NRXN3: variants seen among roughly 807,000 people sequenced by gnomAD.
NRXN3 encodes neurexin 3.
NRXN3 carries 32 observed loss-of-function variants against 137.6 expected under a neutral mutation model. That is an observed-to-expected ratio of 0.23 (90% CI 0.18 to 0.31). NRXN3 has a LOEUF of 0.31. Among genes scored for constraint, NRXN3 ranks in the 10% least tolerant of loss-of-function variants. The pLI is 1.00. For missense variants in NRXN3, 1,574 were observed against 2,062.5 expected (o/e 0.76, Z 4.59); for synonymous variants, 798 against 784.5 (o/e 1.02, Z -0.29).
chr14:78,943,276 G>GA (rs986091717), intron 10 of NRXN3, among the ~76,000 whole-genome samples: 5 of 152,100 alleles, frequency 3.3e-5, no homozygotes, highest in South Asian at 2.1e-4. Context: ...TAATGGTGAT[G>GA]AAGAAGACTA....
intron 10 of NRXN3, among the ~76,000 whole-genome samples, chr14:78,888,649 A>G (rs1481483397): frequency 6.6e-6 from 1 of 151,990 alleles, no homozygotes; most frequent in Non-Finnish European, 1.5e-5. Flanking sequence ...TCTTTATTGG[A>G]ACCCACAAAG....
intron 15 of NRXN3, among the ~76,000 whole-genome samples, chr14:79,354,156 TA>T (rs1474380796): frequency 2.0e-5 from 3 of 152,114 alleles, no homozygotes; most frequent in African/African-American, 7.2e-5. Context: ...AAGATGGAAG[TA>T]AAACCTTAAT....
intron 15 of NRXN3, among the ~76,000 whole-genome samples, chr14:79,213,546 G>A (rs187661642): frequency 2.7e-5 from 4 of 150,624 alleles, no homozygotes; most frequent in Non-Finnish European, 5.9e-5. Flanking sequence ...TCTTAAAATA[G>A]TATGTAGCAC....
chr14:79,518,377 GTC>G (rs1446399085), intron 16 of NRXN3, among the ~76,000 whole-genome samples: 6 of 151,966 alleles, frequency 3.9e-5, no homozygotes, highest in Non-Finnish European at 8.8e-5. Flanking sequence ...GACATGATCT[GTC>G]TCTCCTTTTG....
At position 79,560,521 on chromosome 14, in the gene NRXN3, T is replaced by TTTTTTTTTTTTTTTTTTTTA; in HGVS notation, c.3444+93126_3444+93127insTTTTTTTTTTTTATTTTTTT. Among the ~76,000 whole-genome samples the TTTTTTTTTTTTTTTTTTTTA allele has an allele frequency of 1.5e-5, 2 of 130,278 alleles. 1 individual carries two copies. Among genetic ancestry groups the TTTTTTTTTTTTTTTTTTTTA allele is most frequent in the Non-Finnish European group, 3.3e-5 (2 of 61,502 alleles). 85.5% of individuals were successfully genotyped at this position (130,278 alleles called of 152,430 possible). On this transcript the variant is annotated intron_variant, in intron 16 of 20. Transcript: ENST00000335750. ...ATTGTAAGCTTTTTTTTTTTTTTTT[T>TTTTTTTTTTTTTTTTTTTTA]TTTTTTTGAGATGGAGTCTCTCTCT...
intron 15 of NRXN3, among the ~76,000 whole-genome samples, chr14:79,289,388 G>A (rs1224311814): frequency 1.3e-5 from 2 of 152,154 alleles, no homozygotes; most frequent in Admixed American, 1.3e-4. Context: ...GGGAGGCCAA[G>A]GTGGCTGGAT....
At chr14:78,714,070 A>G (rs1335941615) in intron 7 of NRXN3, among the ~76,000 whole-genome samples, 1 of 152,214 alleles carries the variant, frequency 6.6e-6, no homozygotes, top group Non-Finnish European at 1.5e-5. Flanking sequence ...ATACACATTT[A>G]TTAAATGATT....
intron 19 of NRXN3, among the ~76,000 whole-genome samples, chr14:79,770,519 T>G (rs1301776653): frequency 1.6e-4 from 23 of 140,378 alleles, no homozygotes; most frequent in African/African-American, 6.0e-4. Flanking sequence ...TGCTCCTGAA[T>G]GACTACTGGG....
intron 15 of NRXN3, among the ~76,000 whole-genome samples, chr14:79,319,194 A>G (rs1444906712): frequency 6.6e-6 from 1 of 152,248 alleles, no homozygotes. Flanking sequence ...AATTAAAAGT[A>G]TTCCCAGACT....
chr14:78,645,412 C>T lies in NRXN3; in HGVS notation c.1050C>T (p.Asn350=), dbSNP rs1240291529. ...GGCATGATGTCAAAGTGACACGCAA[C>T]CTCCGGCAGGTAATGGCTGAGGGGA... The part of the protein sequence containing the change: ...NAWHDVKVTR[N]LRQVTISVDG... The change falls in exon 5 of 21, where the codon AAC becomes AAT. Residue 350 remains asparagine, a synonymous_variant. Coordinates refer to ENST00000335750, the MANE Select transcript of NRXN3 (RefSeq NM_001330195.2). The T allele has an allele frequency of 1.3e-6, 2 of 1,584,052 alleles. No homozygotes were observed. Among genetic ancestry groups the T allele is most frequent in the Non-Finnish European group, 1.7e-6 (2 of 1,170,080 alleles).
At chr14:78,938,834 C>G (rs564280568) in intron 10 of NRXN3, among the ~76,000 whole-genome samples, 1 of 142,746 alleles carries the variant, frequency 7.0e-6, no homozygotes, top group East Asian at 2.0e-4. Flanking sequence ...ATTTGAAGGT[C>G]CAGAGTGATT....
At chr14:79,213,159 T>C (rs1009875704) in intron 15 of NRXN3, among the ~76,000 whole-genome samples, 1 of 152,136 alleles carries the variant, frequency 6.6e-6, no homozygotes, top group African/African-American at 2.4e-5. Flanking sequence ...ATTTTTCCCC[T>C]GTCTTTAGAA....
intron 15 of NRXN3, among the ~76,000 whole-genome samples, chr14:79,093,244 G>T (rs1217017476): frequency 6.6e-6 from 1 of 152,152 alleles, no homozygotes; most frequent in African/African-American, 2.4e-5. Context: ...TGGACAAGAA[G>T]ACATCTAATT....
intron 1 of NRXN3, among the ~76,000 whole-genome samples, chr14:78,210,246 G>C (rs2062612068): frequency 6.6e-6 from 1 of 152,192 alleles, no homozygotes; most frequent in Admixed American, 6.5e-5. Context: ...AGTTCTTCTA[G>C]GTGGTGTCTT....
At chr14:79,090,660 C>T (rs1286335582) in intron 15 of NRXN3, among the ~76,000 whole-genome samples, 1 of 152,086 alleles carries the variant, frequency 6.6e-6, no homozygotes, top group Non-Finnish European at 1.5e-5. Context: ...TCTTCATTCC[C>T]AGCCATCCAC....
At chr14:78,794,620 G>C (rs2098815596) in intron 8 of NRXN3, among the ~76,000 whole-genome samples, 1 of 151,412 alleles carries the variant, frequency 6.6e-6, no homozygotes, top group Admixed American at 6.6e-5. Context: ...GTGTGTGTGT[G>C]TGTGTGTGTG....
chr14:79,508,962 C>A (rs1200281499), intron 16 of NRXN3, among the ~76,000 whole-genome samples: 2 of 151,864 alleles, frequency 1.3e-5, no homozygotes, highest in Non-Finnish European at 2.9e-5. Flanking sequence ...GAGGCAGAGG[C>A]GGGTGGATCA....
chr14:78,359,600 G>C (rs978222643), intron 4 of NRXN3, among the ~76,000 whole-genome samples: 2 of 152,178 alleles, frequency 1.3e-5, no homozygotes, highest in Non-Finnish European at 2.9e-5. Flanking sequence ...TTGCATGCCA[G>C]CTGATGGTCC....
At chr14:79,142,837 G>A (rs1344032733) in intron 15 of NRXN3, among the ~76,000 whole-genome samples, 1 of 152,090 alleles carries the variant, frequency 6.6e-6, no homozygotes, top group East Asian at 1.9e-4. Context: ...AAAATATTGT[G>A]GATTTGCTCA....
Sources: allele counts gnomAD v4.1 joint callset (sites outside exome capture counted in the v4.1 genomes callset), GRCh38; gene constraint gnomAD v4.1.1; transcripts MANE v1.5; gene names NCBI Gene and HGNC (gene_info 2026-07-23, HGNC 2026-07-21).